Variants in VWA8 observed in about 807,000 individuals in gnomAD.
VWA8 encodes von Willebrand factor A domain containing 8.
VWA8 carries 221 observed loss-of-function variants against 241.5 expected under a neutral mutation model. That is an observed-to-expected ratio of 0.91 (90% CI 0.82 to 1.02). VWA8 has a LOEUF of 1.02. Ranked by LOEUF, VWA8 falls within the 50% of genes least tolerant of loss-of-function variation. The pLI, the probability that VWA8 is intolerant of heterozygous loss-of-function variation, is 0.00. For missense variants in VWA8, 2,322 were observed against 2,328.7 expected (o/e 1.00, Z 0.06); for synonymous variants, 852 against 827.1 (o/e 1.03, Z -0.52).
chr13:41,816,789 G>A lies in VWA8; in HGVS notation c.1870-14C>T. ...TACATTTGGGACCTATTTTTTGAAA[G>A]AGTTGAGGACAAACAGAAGGAATAA... On this transcript the variant is annotated splice_polypyrimidine_tract_variant and intron_variant, in intron 15 of 44. Transcript: ENST00000379310. 1 of 1,595,630 alleles carries A rather than the reference G, an allele frequency of 6.3e-7. No individual in the cohort carries two copies. The highest frequency in any genetic ancestry group is 2.2e-5 in the East Asian group (1 of 44,738).
At chr13:41,855,347 AAT>A (rs972455957) in intron 12 of VWA8, among the ~76,000 whole-genome samples, 67 of 145,324 alleles carry the variant, frequency 4.6e-4, no homozygotes, top group African/African-American at 1.6e-3. Context: ...ATAATATATA[AAT>A]ATATATTAAT....
At chr13:41,867,482 A>T (rs1010678559) in intron 10 of VWA8, among the ~76,000 whole-genome samples, 1 of 152,228 alleles carries the variant, frequency 6.6e-6, no homozygotes, top group Admixed American at 6.5e-5. Flanking sequence ...TCTCTGGGTG[A>T]ATCATTAACC....
intron 37 of VWA8, 123 bp from the exon 38 acceptor site, chr13:41,615,207 T>A: frequency 1.1e-6 from 1 of 927,630 alleles, no homozygotes; most frequent in South Asian, 1.8e-5. Flanking sequence ...GCCACTGGAC[T>A]TGATAAATGC....
intron 37 of VWA8, among the ~76,000 whole-genome samples, chr13:41,624,012 C>CA (rs985999051): frequency 2.4e-4 from 36 of 151,984 alleles, no homozygotes; most frequent in African/African-American, 7.7e-4. Context: ...CAGAGAAATA[C>CA]AAAAAAACCC....
At chr13:41,648,019 G>A (rs1286603040) in intron 37 of VWA8, among the ~76,000 whole-genome samples, 1 of 151,960 alleles carries the variant, frequency 6.6e-6, no homozygotes, top group Non-Finnish European at 1.5e-5. Flanking sequence ...AAGTCTGACT[G>A]ACTAAAGCCT....
At chr13:41,920,629 T>C (rs1032715739) in intron 2 of VWA8, among the ~76,000 whole-genome samples, 6 of 152,156 alleles carry the variant, frequency 3.9e-5, no homozygotes, top group Non-Finnish European at 8.8e-5. Context: ...CCCACAGAAA[T>C]ACAAACTACC....
chr13:41,875,027 C>T (rs1040232061), intron 9 of VWA8, among the ~76,000 whole-genome samples: 1 of 152,088 alleles, frequency 6.6e-6, no homozygotes, highest in Non-Finnish European at 1.5e-5. Context: ...TGGCTCACTC[C>T]AAATTTCCAG....
chr13:41,654,302 T>C (rs552807789), intron 37 of VWA8, among the ~76,000 whole-genome samples: 43 of 152,288 alleles, frequency 2.8e-4, no homozygotes, highest in African/African-American at 9.4e-4. Context: ...AAAATAGTAA[T>C]GTCACAGTGG....
intron 14 of VWA8, among the ~76,000 whole-genome samples, chr13:41,825,841 G>T (rs956072002): frequency 2.0e-5 from 3 of 152,174 alleles, no homozygotes; most frequent in African/African-American, 7.2e-5. Context: ...TGCCAAAAGT[G>T]ATGTATTAGC....
intron 17 of VWA8, among the ~76,000 whole-genome samples, chr13:41,794,296 C>T (rs1485428905): frequency 1.3e-5 from 2 of 151,980 alleles, no homozygotes; most frequent in African/African-American, 4.8e-5. Context: ...TGTTTGTGTC[C>T]TCTCTAATTT....
At chr13:41,817,910 G>T (rs1870768138) in intron 15 of VWA8, among the ~76,000 whole-genome samples, 1 of 152,114 alleles carries the variant, frequency 6.6e-6, no homozygotes, top group African/African-American at 2.4e-5. Flanking sequence ...GTTTAATGTG[G>T]TAGCCAAAAG....
chr13:41,944,204 C>T (rs1877739562), intron 2 of VWA8, among the ~76,000 whole-genome samples: 1 of 151,604 alleles, frequency 6.6e-6, no homozygotes, highest in Non-Finnish European at 1.5e-5. Context: ...AAATTCATTC[C>T]TTCTTAAAAA....
intron 9 of VWA8, among the ~76,000 whole-genome samples, chr13:41,874,903 T>G (rs991900560): frequency 6.6e-6 from 1 of 152,036 alleles, no homozygotes; most frequent in Non-Finnish European, 1.5e-5. Context: ...TTTACCACCC[T>G]TTCAAGAGGC....
chr13:41,617,021 C>A (rs1298113149), intron 37 of VWA8, among the ~76,000 whole-genome samples: 3 of 151,514 alleles, frequency 2.0e-5, no homozygotes, highest in African/African-American at 4.9e-5. Context: ...CCCAGCACTG[C>A]GAAAAACAAA....
chr13:41,686,265 G>C (rs1480691356), intron 34 of VWA8, among the ~76,000 whole-genome samples: 2 of 152,140 alleles, frequency 1.3e-5, no homozygotes, highest in African/African-American at 4.8e-5. Flanking sequence ...CTTCTTCAGA[G>C]ATGTTCTGGT....
At chr13:41,831,863 G>A (rs1027148646) in intron 13 of VWA8, among the ~76,000 whole-genome samples, 6 of 151,698 alleles carry the variant, frequency 4.0e-5, no homozygotes, top group South Asian at 2.1e-4. Context: ...CAGGTGATCC[G>A]CCCACCTCGG....
At chr13:41,924,927 CCAAA>C (rs761742183) in intron 2 of VWA8, among the ~76,000 whole-genome samples, 12 of 152,080 alleles carry the variant, frequency 7.9e-5, no homozygotes, top group Non-Finnish European at 1.3e-4. Flanking sequence ...TTAAAAGTCT[CCAAA>C]CAGATTTAAT....
At chr13:41,755,363 A>G (rs751806235) in intron 21 of VWA8, among the ~76,000 whole-genome samples, 17 of 152,048 alleles carry the variant, frequency 1.1e-4, no homozygotes, top group Non-Finnish European at 2.4e-4. Context: ...CCAACTTTAC[A>G]TAGTAAATAA....
Position 41,819,386 on chromosome 13 carries a change from T to A in VWA8, c.1701A>T (p.Arg567Ser). 2 of 1,591,186 alleles carry A rather than the reference T, an allele frequency of 1.3e-6. No individual in the cohort carries two copies. Among genetic ancestry groups the A allele is most frequent in the South Asian group, 1.2e-5 (1 of 85,732 alleles). Residue 567 changes from arginine (R) to serine (S), a missense_variant and splice_region_variant, in exon 15 of 45, where the codon AGA becomes AGT. By Grantham distance (110) the Arg-to-Ser change is moderately radical (BLOSUM62 -1). Transcript: ENST00000379310. ...AGGAGGGATGGATAGGAAAAATGGA[T>A]CTAAAATAGGAAAAAAAATGAAAAA... ...LQLSDEQLQK[R>S]SIFPIHPSFR...
Sources: gnomAD v4.1 joint callset for allele counts (sites outside exome capture counted in the v4.1 genomes callset) on GRCh38, gnomAD v4.1.1 for gene constraint, MANE v1.5 for transcripts, NCBI Gene and HGNC (gene_info 2026-07-23, HGNC 2026-07-21) for gene names.